UGGT2: variants seen among roughly 807,000 people sequenced by gnomAD.
UGGT2 encodes the protein UDP-glucose glycoprotein glucosyltransferase 2, also known as UDP-glucose:glycoprotein glucosyltransferase 2.
Under a neutral mutation model 192.1 loss-of-function variants are expected in UGGT2, and 180 were observed. The ratio of observed to expected loss-of-function variants is 0.94; its 90% CI spans 0.83 to 1.06. UGGT2 has a LOEUF of 1.06. UGGT2 is among the 50% of genes least tolerant of loss of function. UGGT2 has a pLI of 0.00. For synonymous variants in UGGT2, 580 were observed against 591.0 expected, an observed-to-expected ratio of 0.98 and a Z score of 0.27; for missense variants, 1,849 against 1,795.7, an observed-to-expected ratio of 1.03 and a Z score of -0.54.
chr13:95,965,725 T>C (rs960202393), intron 12 of UGGT2, among the ~76,000 whole-genome samples: 1 of 152,116 alleles, frequency 6.6e-6, no homozygotes, highest in Admixed American at 6.5e-5. Context: ...ACATGTACCC[T>C]AAAACTTAAA....
chr13:95,987,552 T>TA (rs1566797623), intron 8 of UGGT2, among the ~76,000 whole-genome samples: 1 of 151,900 alleles, frequency 6.6e-6, no homozygotes, highest in Non-Finnish European at 1.5e-5. Flanking sequence ...AATAGAGACA[T>TA]AAAAAAGGAT....
rs780163065 is a variant in UGGT2 at position 95,996,142 on chromosome 13, T to G, written c.758-7A>C. ...ACAGTAGTATTAGTCACAGCTACAT[T>G]TTGGAAACAAAACCAAAAAACAACA... On this transcript the variant is annotated splice_polypyrimidine_tract_variant and splice_region_variant and intron_variant, in intron 6 of 38. Coordinates refer to ENST00000376747, the MANE Select transcript of UGGT2 (RefSeq NM_020121.4). The G allele has an allele frequency of 6.2e-7, 1 of 1,602,266 alleles. No individual in the cohort carries two copies. The highest frequency in any genetic ancestry group is 2.2e-5 in the East Asian group (1 of 44,574).
In UGGT2 at chr13:95,836,063, T is replaced by G. The variant is rs528887056; in HGVS notation, c.4401+1023A>C. Reference sequence around the variant, plus strand: ...GCCCTTTTTTTTTGTTTGTTTGTTTTTTTGAAATGGAGTTTTGCTCTTGTC... The same window carrying G: ...GCCCTTTTTTTTTGTTTGTTTGTTTGTTTGAAATGGAGTTTTGCTCTTGTC... On this transcript the variant is annotated intron_variant, in intron 37 of 38. Coordinates refer to ENST00000376747, the MANE Select transcript of UGGT2 (RefSeq NM_020121.4). Among the ~76,000 whole-genome samples, 46 of 152,298 alleles carry G rather than the reference T, an allele frequency of 3.0e-4. No individual in the cohort carries two copies. The South Asian group carries it at 7.7e-3, about 25-fold the overall frequency.
chr13:95,867,384 G>A lies in UGGT2; in HGVS notation c.3513C>T (p.Ile1171=). 1 of 1,609,240 alleles carries A rather than the reference G, an allele frequency of 6.2e-7. No homozygotes were observed. Among genetic ancestry groups the A allele is most frequent in the South Asian group, 1.1e-5 (1 of 89,954 alleles). Reference sequence around the variant, plus strand: ...TTTTGAAGCTGTTTAATACAACAATGATATCTTCTAGGTCTGCTTGAGAGT... The same window carrying A: ...TTTTGAAGCTGTTTAATACAACAATAATATCTTCTAGGTCTGCTTGAGAGT... ...GTDSQADLED[I]IVVLNSFKSK... is the part of the protein sequence containing the mutation. Residue 1171 remains isoleucine, a synonymous_variant, in exon 30 of 39, where the codon ATC becomes ATT. Coordinates refer to ENST00000376747, the MANE Select transcript of UGGT2 (RefSeq NM_020121.4).
chr13:95,976,962 T>C lies in UGGT2; in HGVS notation c.1093-4291A>G, dbSNP rs2050957233. Among the ~76,000 whole-genome samples the C allele has an allele frequency of 2.0e-5, 3 of 152,164 alleles. 1 individual carries two copies. The South Asian group carries it at 6.2e-4, about 32-fold the overall frequency. On this transcript the variant is annotated intron_variant, in intron 10 of 38. Transcript: ENST00000376747. ...CAAGCAATGAGGAAAGGATTCCCTA[T>C]TTAATAAATGGTGCTAGGAAAACTG...
intron 1 of UGGT2, among the ~76,000 whole-genome samples, chr13:96,032,884 C>A (rs546143340): frequency 2.6e-5 from 4 of 152,150 alleles, no homozygotes; most frequent in African/African-American, 7.2e-5. Context: ...AACATAAACA[C>A]GACAAGCATA....
At chr13:95,815,634 T>C (rs1042252216) in intron 38 of UGGT2, among the ~76,000 whole-genome samples, 1 of 152,208 alleles carries the variant, frequency 6.6e-6, no homozygotes, top group Non-Finnish European at 1.5e-5. Flanking sequence ...TTCACCAAAC[T>C]GATTTAAAAC....
intron 34 of UGGT2, among the ~76,000 whole-genome samples, chr13:95,855,106 TAAAAAAAAAAAAA>T (rs10713359): frequency 2.6e-4 from 13 of 49,958 alleles, no homozygotes; most frequent in Non-Finnish European, 1.8e-4. Flanking sequence ...ACCCTGTCTG[TAAAAAAAAAAAAA>T]AAAAAAAAAA....
chr13:96,049,512 T>C (rs1382051889), intron 1 of UGGT2, among the ~76,000 whole-genome samples: 3 of 152,166 alleles, frequency 2.0e-5, no homozygotes, highest in Non-Finnish European at 4.4e-5. Context: ...TAAAGGGTAT[T>C]CAATTAGGAA....
At chr13:95,948,521 A>C (rs2049956465) in intron 13 of UGGT2, among the ~76,000 whole-genome samples, 1 of 152,132 alleles carries the variant, frequency 6.6e-6, no homozygotes, top group African/African-American at 2.4e-5. Flanking sequence ...TATCTTATTC[A>C]TTTCCTATGT....
intron 21 of UGGT2, 82 bp from the exon 22 acceptor site, chr13:95,901,020 G>T: frequency 2.0e-6 from 2 of 1,006,492 alleles, no homozygotes; most frequent in Admixed American, 3.9e-5. Context: ...ACTAATATTA[G>T]TATAAAATTT....
At chr13:95,871,222 C>T (rs1176812291) in intron 29 of UGGT2, among the ~76,000 whole-genome samples, 6 of 152,148 alleles carry the variant, frequency 3.9e-5, no homozygotes, top group Admixed American at 1.3e-4. Flanking sequence ...TGCTAGAATG[C>T]TTCCACTGAA....
At chr13:95,817,934 A>C (rs1885073613) in intron 38 of UGGT2, among the ~76,000 whole-genome samples, 1 of 152,186 alleles carries the variant, frequency 6.6e-6, no homozygotes, top group Non-Finnish European at 1.5e-5. Flanking sequence ...CCAAATAAAA[A>C]ATTAAATCCA....
chr13:95,816,303 A>G (rs1295593968), intron 38 of UGGT2, among the ~76,000 whole-genome samples: 2 of 152,212 alleles, frequency 1.3e-5, no homozygotes, highest in African/African-American at 2.4e-5. Context: ...AAGTACAGCA[A>G]TTGGAACTCT....
At chr13:95,929,180 G>A (rs2049154685) in intron 17 of UGGT2, among the ~76,000 whole-genome samples, 1 of 152,194 alleles carries the variant, frequency 6.6e-6, no homozygotes, top group Non-Finnish European at 1.5e-5. Flanking sequence ...AGAGGGAGAT[G>A]AGGGAGAGGG....
At chr13:95,944,645 A>C (rs74623962) in intron 15 of UGGT2, among the ~76,000 whole-genome samples, 217 of 152,088 alleles carry the variant, frequency 1.4e-3, no homozygotes, top group African/African-American at 4.8e-3. Context: ...CTAGTTCATT[A>C]ATGTATATTC....
intron 24 of UGGT2, among the ~76,000 whole-genome samples, chr13:95,892,717 C>G (rs780843568): frequency 1.3e-5 from 2 of 152,082 alleles, no homozygotes; most frequent in Non-Finnish European, 2.9e-5. Context: ...TATAAAGGCT[C>G]CCGGGAGAAA....
chr13:95,928,290 G>GCGGGGGCTGCCCCC lies in UGGT2; in HGVS notation c.1978-955_1978-954insGGGGGCAGCCCCCG, dbSNP rs1185970738. 2.6e-3 allele frequency among the ~76,000 whole-genome samples: 397 copies of GCGGGGGCTGCCCCC among 151,258 alleles called. 5 individuals carry two copies. The highest frequency in any genetic ancestry group is 0.01 in the Middle Eastern group (3 of 290). On this transcript the variant is annotated intron_variant, in intron 17 of 38. Transcript: ENST00000376747. ...CCTCCTGGACGGGGCGGCTGGCCGG[G>GCGGGGGCTGCCCCC]CAGGGGCTGCCCCCCACCTCCCCGA...
intron 16 of UGGT2, 145 bp downstream of exon 16, chr13:95,939,812 C>T: frequency 1.7e-6 from 1 of 588,036 alleles, no homozygotes; most frequent in Non-Finnish European, 2.8e-6. Flanking sequence ...CTCCCCAATT[C>T]TGCCATCCCC....
Sources: gnomAD v4.1 joint callset for allele counts (sites outside exome capture counted in the v4.1 genomes callset) on GRCh38, gnomAD v4.1.1 for gene constraint, MANE v1.5 for transcripts, NCBI Gene and HGNC (gene_info 2026-07-23, HGNC 2026-07-21) for gene names.